Variants in PCDHA11 observed in about 807,000 individuals in gnomAD.
PCDHA11 encodes the protein protocadherin alpha-11.
In PCDHA11, 61 loss-of-function variants were observed where a neutral mutation model predicts 70.3. That is an observed-to-expected ratio of 0.87 (90% CI 0.71 to 1.07). The LOEUF is 1.07. Ranked by LOEUF, PCDHA11 falls within the 50% of genes least tolerant of loss-of-function variation. The probability of loss-of-function intolerance (pLI) is 0.00; values close to 1 mark genes in which losing one functional copy is unlikely to be tolerated. For synonymous variants in PCDHA11, 633 were observed against 555.1 expected (o/e 1.14, Z -1.97); for missense variants, 1,324 against 1,237.5 (o/e 1.07, Z -1.05).
At chr5:140,981,692 T>C (rs1168412872) in intron 2 of PCDHA11, among the ~76,000 whole-genome samples, 1 of 150,826 alleles carries the variant, frequency 6.6e-6, no homozygotes, top group Non-Finnish European at 1.5e-5. Flanking sequence ...CTTCCATCAT[T>C]CATTCATTCA....
intron 1 of PCDHA11, among the ~76,000 whole-genome samples, chr5:140,921,342 TA>T (rs1311011800): frequency 6.6e-6 from 1 of 152,188 alleles, no homozygotes; most frequent in African/African-American, 2.4e-5. Flanking sequence ...AATCACATAA[TA>T]TATTTGCCTA....
chr5:140,928,694 C>T, intron 1 of PCDHA11: 1 of 1,614,166 alleles, frequency 6.2e-7, no homozygotes, highest in South Asian at 1.1e-5. Flanking sequence ...TACCACATCT[C>T]CCGGGCGTCT....
intron 3 of PCDHA11, 146 bp downstream of exon 3, chr5:140,982,709 A>G (rs2096998107): frequency 2.2e-6 from 3 of 1,375,182 alleles, no homozygotes; most frequent in Admixed American, 2.9e-5. Flanking sequence ...ATTTCCTTAC[A>G]TATATGATTA....
intron 1 of PCDHA11, among the ~76,000 whole-genome samples, chr5:140,930,783 A>G (rs1211509868): frequency 6.6e-6 from 1 of 152,246 alleles, no homozygotes; most frequent in Non-Finnish European, 1.5e-5. Context: ...TATTTTCACA[A>G]TATAATAGAA....
At chr5:140,998,881 T>C (rs892142070) in intron 3 of PCDHA11, among the ~76,000 whole-genome samples, 13 of 152,224 alleles carry the variant, frequency 8.5e-5, no homozygotes, top group Admixed American at 2.6e-4. Flanking sequence ...ATAAGTTTAG[T>C]TGAATAAATA....
At position 140,870,454 on chromosome 5, in the gene PCDHA11, G is replaced by A. The variant is rs782508076; in HGVS notation, c.1351G>A (p.Ala451Thr). 1 of 1,614,236 alleles carries A rather than the reference G, an allele frequency of 6.2e-7. No individual in the cohort carries two copies. The highest frequency in any genetic ancestry group is 1.3e-5 in the African/African-American group (1 of 75,074). The change falls in exon 1 of 4, where the codon GCG (alanine) becomes ACG (threonine). Residue 451 changes from alanine (A) to threonine (T), a missense_variant. Physicochemically the swap from Ala to Thr is moderately conservative, Grantham distance 58. Coordinates refer to ENST00000398640, the MANE Select transcript of PCDHA11 (RefSeq NM_018902.5). Reference sequence around the variant, plus strand: ...GGAGGTGGCCGACGTGAACGACAATGCGCCTGCGTTCGCACAGCCCGAGTA... The same window carrying A: ...GGAGGTGGCCGACGTGAACGACAATACGCCTGCGTTCGCACAGCCCGAGTA... ...SVEVADVNDNAPAFAQPEYTV... is the reference protein window; with the variant it reads ...SVEVADVNDNTPAFAQPEYTV...
chr5:140,967,087 G>A (rs782556858), intron 1 of PCDHA11: 5 of 1,613,256 alleles, frequency 3.1e-6, no homozygotes, highest in South Asian at 1.1e-5. Flanking sequence ...GCATTGATCG[G>A]GAGGCGCTGT....
At chr5:140,920,932 G>A (rs2079937589) in intron 1 of PCDHA11, among the ~76,000 whole-genome samples, 1 of 151,286 alleles carries the variant, frequency 6.6e-6, no homozygotes, top group Admixed American at 6.6e-5. Flanking sequence ...AGGTGATCTA[G>A]CCCTTTCATT....
chr5:140,919,529 TC>T (rs2079177812), intron 1 of PCDHA11, among the ~76,000 whole-genome samples: 1 of 152,196 alleles, frequency 6.6e-6, no homozygotes. Context: ...TCTCTTTTTT[TC>T]CTATACTTTT....
intron 1 of PCDHA11, chr5:140,882,806 T>A: frequency 6.2e-7 from 1 of 1,614,218 alleles, no homozygotes; most frequent in Non-Finnish European, 8.5e-7. Flanking sequence ...TTATTTCACT[T>A]TGGACGCACA....
chr5:140,877,434 C>T, intron 1 of PCDHA11: 1 of 1,613,804 alleles, frequency 6.2e-7, no homozygotes, highest in South Asian at 1.1e-5. Flanking sequence ...TGAAGGACCA[C>T]GGTGAGCCCG....
At chr5:140,986,532 C>G (rs1298199477) in intron 3 of PCDHA11, among the ~76,000 whole-genome samples, 2 of 152,184 alleles carry the variant, frequency 1.3e-5, no homozygotes, top group Non-Finnish European at 2.9e-5. Context: ...GGGAACTGGC[C>G]TGGCTTCAGT....
chr5:140,963,032 T>C (rs541613535), intron 1 of PCDHA11, among the ~76,000 whole-genome samples: 8 of 152,290 alleles, frequency 5.3e-5, no homozygotes, highest in African/African-American at 1.9e-4. Context: ...CAATTAACAT[T>C]TATTGAGAGT....
At chr5:140,899,443 G>A (rs1554188558) in intron 1 of PCDHA11, among the ~76,000 whole-genome samples, 4 of 152,210 alleles carry the variant, frequency 2.6e-5, no homozygotes, top group African/African-American at 9.7e-5. Context: ...CATCTATTGA[G>A]ATAATCATGT....
intron 1 of PCDHA11, chr5:140,927,432 C>T: frequency 5.6e-6 from 9 of 1,614,124 alleles, no homozygotes; most frequent in Non-Finnish European, 5.9e-6. Flanking sequence ...TTGACGGCAG[C>T]GAATACCCGG....
chr5:140,871,015 G>C lies in PCDHA11; in HGVS notation c.1912G>C (p.Glu638Gln). ...GEISTTRALD[E>Q]ADSPRHRLLV... ...GATAAGCACAACGCGTGCCCTGGAC[G>C]AGGCAGACTCGCCGCGCCACCGACT... Residue 638 changes from glutamate to glutamine, a missense_variant, in exon 1 of 4, where the codon GAG becomes CAG. By Grantham distance (29) the Glu-to-Gln change is conservative. Coordinates refer to ENST00000398640, the MANE Select transcript of PCDHA11 (RefSeq NM_018902.5). The C allele has an allele frequency of 6.2e-7, 1 of 1,613,244 alleles. No homozygotes were observed. The highest frequency in any genetic ancestry group is 8.5e-7 in the Non-Finnish European group (1 of 1,179,848).
intron 3 of PCDHA11, among the ~76,000 whole-genome samples, chr5:140,999,639 T>C (rs1554256919): frequency 6.6e-6 from 1 of 152,144 alleles, no homozygotes; most frequent in African/African-American, 2.4e-5. Context: ...TAGAGAAAAC[T>C]GTGCAGCCTG....
intron 1 of PCDHA11, chr5:140,884,155 C>A (rs781815602): frequency 1.2e-6 from 2 of 1,613,430 alleles, no homozygotes; most frequent in Non-Finnish European, 1.7e-6. Flanking sequence ...TGTACACTGG[C>A]GAGATCAGCA....
chr5:140,882,788 C>T, intron 1 of PCDHA11: 1 of 1,614,216 alleles, frequency 6.2e-7, no homozygotes, highest in East Asian at 2.2e-5. Context: ...CCGACTGGAT[C>T]CCAACGATTA....
Sources: allele counts gnomAD v4.1 joint callset (sites outside exome capture counted in the v4.1 genomes callset), GRCh38; gene constraint gnomAD v4.1.1; transcripts MANE v1.5; gene names NCBI Gene and HGNC (gene_info 2026-07-23, HGNC 2026-07-21).